Variants in CEP350 observed in about 807,000 individuals in gnomAD.
CEP350 encodes centrosome-associated protein 350.
In CEP350, 126 loss-of-function variants were observed where a neutral mutation model predicts 331.8. The observed-to-expected ratio is 0.38, with a 90% CI of 0.33 to 0.44. The LOEUF (loss-of-function observed/expected upper bound fraction) is 0.44. Among genes scored for constraint, CEP350 ranks in the 20% least tolerant of loss-of-function variants. The pLI, the probability that CEP350 is intolerant of heterozygous loss-of-function variation, is 1.00. For missense variants in CEP350, 3,406 were observed against 3,634.6 expected, an observed-to-expected ratio of 0.94 and a Z score of 1.62; for synonymous variants, 1,200 against 1,259.5, an observed-to-expected ratio of 0.95 and a Z score of 1.00.
chr1:180,086,949 G>C (rs1022242853), intron 31 of CEP350, among the ~76,000 whole-genome samples: 3 of 152,170 alleles, frequency 2.0e-5, no homozygotes, highest in Non-Finnish European at 4.4e-5. Flanking sequence ...CAAAACACTA[G>C]TCTGAAATAG....
chr1:179,956,562 C>T (rs1423879276), intron 1 of CEP350, among the ~76,000 whole-genome samples: 1 of 152,158 alleles, frequency 6.6e-6, no homozygotes, highest in Non-Finnish European at 1.5e-5. Context: ...TTTTTTCCTT[C>T]TGCTTCTGAT....
chr1:179,992,864 A>T (rs1653193730), intron 5 of CEP350, among the ~76,000 whole-genome samples: 1 of 152,198 alleles, frequency 6.6e-6, no homozygotes, highest in South Asian at 2.1e-4. Context: ...TCATGCTCTT[A>T]TAATAAGTAA....
chr1:179,964,760 T>C (rs1328116871), intron 1 of CEP350, among the ~76,000 whole-genome samples: 9 of 150,888 alleles, frequency 6.0e-5, no homozygotes, highest in Non-Finnish European at 1.2e-4. Context: ...TCTTAGGATC[T>C]TCTCACTTTT....
At chr1:180,086,512 C>G (rs549049228) in intron 31 of CEP350, among the ~76,000 whole-genome samples, 2 of 149,326 alleles carry the variant, frequency 1.3e-5, no homozygotes, top group Admixed American at 6.8e-5. Flanking sequence ...CTGTATTTAA[C>G]TTTTAAAATT....
intron 6 of CEP350, among the ~76,000 whole-genome samples, chr1:179,999,168 TCTGA>T (rs1055849267): frequency 1.9e-4 from 29 of 152,260 alleles, no homozygotes; most frequent in African/African-American, 6.3e-4. Flanking sequence ...AAGTCAAAGT[TCTGA>T]AATACCAATG....
In CEP350 at chr1:180,034,080, C is replaced by T. The variant is rs756271362; in HGVS notation, c.3944C>T (p.Pro1315Leu). The T allele has an allele frequency of 1.2e-6, 2 of 1,612,632 alleles. No individual in the cohort carries two copies. Among genetic ancestry groups the T allele is most frequent in the Admixed American group, 3.4e-5 (2 of 59,700 alleles). Residue 1315 changes from proline to leucine, a missense_variant and splice_region_variant, in exon 16 of 38, where the codon CCA (proline) becomes CTA (leucine). By Grantham distance (98) the Pro-to-Leu change is moderately conservative. Transcript: ENST00000367607. The stretch of plus-strand genomic sequence containing the variant: ...ACGACAGAGAACATGGCTCCAATAC[C>T]AGGTAAGTAGATTCATGCAATTGTA... ...RTTTENMAPI[P>L]GSKRFSPAGL...
At position 180,049,111 on chromosome 1, in the gene CEP350, CTG is replaced by C. The variant is rs556956523; in HGVS notation, c.4792+410_4792+411del. 4.2e-3 allele frequency among the ~76,000 whole-genome samples: 632 copies of C among 152,218 alleles called. 8 individuals carry two copies. The highest frequency in any genetic ancestry group is 0.015 in the African/African-American group (603 of 41,536). On this transcript the variant is annotated intron_variant, in intron 22 of 37. Coordinates refer to ENST00000367607, the MANE Select transcript of CEP350 (RefSeq NM_014810.5). ...AAAGTGGCAAACAACTTGACTGAAA[CTG>C]TGTTCCAGTGTTTTGGAATGTAGAC...
chr1:180,079,446 G>A (rs1659428407), intron 29 of CEP350, among the ~76,000 whole-genome samples: 1 of 151,698 alleles, frequency 6.6e-6, no homozygotes, highest in African/African-American at 2.4e-5. Flanking sequence ...GTTCATTTGT[G>A]TTACAGCACC....
chr1:180,113,849 G>T lies in CEP350; in HGVS notation c.*2688G>T, dbSNP rs1227591786. Reference sequence around the variant, plus strand: ...TTTGCATCAGCAGTAATATCTTTTAGAATAGCACTATCAGAATTTAGCAGT... The same window carrying T: ...TTTGCATCAGCAGTAATATCTTTTATAATAGCACTATCAGAATTTAGCAGT... On this transcript the variant is annotated 3_prime_UTR_variant, in exon 38 of 38. Transcript: ENST00000367607. The T allele has an allele frequency of 6.6e-6, 1 of 152,420 alleles. No individual in the cohort carries two copies. The highest frequency in any genetic ancestry group is 1.5e-5 in the Non-Finnish European group (1 of 68,012). 9.4% of individuals were successfully genotyped at this position (152,420 alleles called of 1,614,324 possible). A position where few individuals can be genotyped will look rare whatever the true frequency, so the allele number is the denominator to read the frequency against.
intron 14 of CEP350, 126 bp from the exon 15 acceptor site, chr1:180,031,194 G>A (rs1322530246): frequency 9.2e-6 from 5 of 543,272 alleles, no homozygotes; most frequent in Non-Finnish European, 1.6e-5. Flanking sequence ...TTTGAATATA[G>A]TATAAGTCAA....
chr1:179,969,680 G>A (rs1436164627), intron 1 of CEP350, among the ~76,000 whole-genome samples: 3 of 152,118 alleles, frequency 2.0e-5, no homozygotes, highest in African/African-American at 7.2e-5. Context: ...GAAGCTGGGT[G>A]TGGTGGTGTG....
At chr1:180,089,410 C>T (rs1014545600) in intron 32 of CEP350, among the ~76,000 whole-genome samples, 5 of 151,918 alleles carry the variant, frequency 3.3e-5, no homozygotes, top group African/African-American at 1.2e-4. Context: ...TGGTGAAACC[C>T]CATCTCTACT....
intron 1 of CEP350, among the ~76,000 whole-genome samples, chr1:179,981,997 C>G (rs1474966440): frequency 1.3e-5 from 2 of 152,088 alleles, no homozygotes; most frequent in African/African-American, 4.8e-5. Flanking sequence ...GACACCTTGT[C>G]TCTTAAAAAA....
intron 32 of CEP350, among the ~76,000 whole-genome samples, 157 bp from the exon 33 acceptor site, chr1:180,090,557 A>AG (rs1553265973): frequency 3.3e-5 from 3 of 92,244 alleles, no homozygotes; most frequent in Non-Finnish European, 4.5e-5. Context: ...AAAAAAAAAA[A>AG]AAAAAAAAAA....
chr1:180,077,700 AAATG>A (rs1300126900), intron 28 of CEP350, among the ~76,000 whole-genome samples: 1 of 151,804 alleles, frequency 6.6e-6, no homozygotes, highest in Non-Finnish European at 1.5e-5. Context: ...AAGCCAAAAT[AAATG>A]GAACATTATT....
At chr1:179,965,907 T>G (rs1650981530) in intron 1 of CEP350, among the ~76,000 whole-genome samples, 1 of 152,144 alleles carries the variant, frequency 6.6e-6, no homozygotes, top group Non-Finnish European at 1.5e-5. Flanking sequence ...ATTACAGGCA[T>G]GAGCCACTGT....
At chr1:179,969,028 G>T in intron 1 of CEP350, 1 of 749,398 alleles carries the variant, frequency 1.3e-6, no homozygotes, top group Non-Finnish European at 2.4e-6. Context: ...TTGACCACCA[G>T]CCTCAAACTG....
rs545198583 is a variant in CEP350 at position 179,968,932 on chromosome 1, G to A, written c.-14+13790G>A. On this transcript the variant is annotated intron_variant, in intron 1 of 37. Transcript: ENST00000367607. ...GTTGAAGTTTGCTGCTGCCACTGGA[G>A]CCACTCCAATTGCTGACTGCTTTAC... The A allele has an allele frequency of 2.4e-5, 18 of 757,750 alleles. No homozygotes were observed. The East Asian group carries it at 3.9e-4, about 16-fold the overall frequency. The allele number at this position is 757,750 out of a possible 1,614,324, so 46.9% of individuals were successfully genotyped here. A position where few individuals can be genotyped will look rare whatever the true frequency, so the allele number is the denominator to read the frequency against.
chr1:179,998,371 T>C (rs1653626732), intron 6 of CEP350, among the ~76,000 whole-genome samples: 1 of 149,890 alleles, frequency 6.7e-6, no homozygotes, highest in Admixed American at 6.7e-5. Flanking sequence ...TGCAGTGGCA[T>C]GATCTCGGCC....
Sources: allele counts gnomAD v4.1 joint callset (sites outside exome capture counted in the v4.1 genomes callset), GRCh38; gene constraint gnomAD v4.1.1; transcripts MANE v1.5; gene names NCBI Gene and HGNC (gene_info 2026-07-23, HGNC 2026-07-21).